Variants in C1S observed in about 807,000 individuals in gnomAD.
C1S encodes complement C1s subcomponent.
C1S carries 31 observed loss-of-function variants against 54.0 expected under a neutral mutation model. The observed-to-expected ratio is 0.57, with a 90% CI of 0.43 to 0.78. The LOEUF is 0.78. C1S is among the 30% of genes least tolerant of loss of function. The pLI, the probability that C1S is intolerant of heterozygous loss-of-function variation, is 0.00. For missense variants in C1S, 727 were observed against 851.8 expected (o/e 0.85, Z 1.82); for synonymous variants, 292 against 303.6 (o/e 0.96, Z 0.40).
chr12:7,066,765 T>G (rs1937677628), intron 8 of C1S, 132 bp downstream of exon 8: 1 of 728,228 alleles, frequency 1.4e-6, no homozygotes, highest in African/African-American at 1.7e-5. Flanking sequence ...CACAACAGCT[T>G]AAGATCTGTA....
rs782383174 is a variant in C1S at position 7,062,699 on chromosome 12, A to G, written c.213+17A>G. On this transcript the variant is annotated intron_variant, in intron 3 of 11. Transcript: ENST00000360817. Reference sequence around the variant, plus strand: ...TCAGTGCAGGTATGTTATAAGCACAAAAAGAATAGAGATGGAAGACTAGGG... The same window carrying G: ...TCAGTGCAGGTATGTTATAAGCACAGAAAGAATAGAGATGGAAGACTAGGG... 28 of 1,607,690 alleles carry G rather than the reference A, an allele frequency of 1.7e-5. No individual in the cohort carries two copies. Among genetic ancestry groups the G allele is most frequent in the Non-Finnish European group, 2.2e-5 (26 of 1,175,724 alleles).
chr12:7,070,714 T>C lies in C1S; in HGVS notation c.*63T>C. ...CCAATGCATTACCTTCTGTTCCTTA[T>C]GATATTCTCATTATTTCATCATGAC... On this transcript the variant is annotated 3_prime_UTR_variant, in exon 12 of 12. Transcript: ENST00000360817. The surrounding 1 kb of genome is among the most constrained non-coding windows in gnomAD (Gnocchi z 4.9). 1.6e-6 allele frequency: 2 copies of C among 1,278,396 alleles called. No homozygotes were observed. The highest frequency in any genetic ancestry group is 2.3e-6 in the Non-Finnish European group (2 of 877,174). 79.2% of individuals were successfully genotyped at this position (1,278,396 alleles called of 1,614,324 possible).
rs1937809443 is a variant in C1S at position 7,070,212 on chromosome 12, C to T, written c.1628C>T (p.Pro543Leu). 1.2e-6 allele frequency: 2 copies of T among 1,614,078 alleles called. No homozygotes were observed. The highest frequency in any genetic ancestry group is 1.7e-6 in the Non-Finnish European group (2 of 1,179,960). ...CTGAAAGACCCAGTGAAAATGGGAC[C>T]CACCGTCTCTCCCATCTGCCTACCA... The part of the protein sequence containing the change: ...VRLKDPVKMG[P>L]TVSPICLPGT... Residue 543 changes from proline (P) to leucine (L), a missense_variant, in exon 12 of 12, where the codon CCC becomes CTC. Around this residue, in one of 3 missense-constraint regions of C1S, gnomAD observed 360 missense variants for 453.6 expected, o/e 0.79. Coordinates refer to ENST00000360817, the MANE Select transcript of C1S (RefSeq NM_001734.5). The surrounding 1 kb of genome is among the most constrained non-coding windows in gnomAD (Gnocchi z 4.9).
intron 11 of C1S, among the ~76,000 whole-genome samples, chr12:7,069,522 G>A (rs151082287): frequency 5.5e-4 from 84 of 152,328 alleles, no homozygotes; most frequent in African/African-American, 1.9e-3. Flanking sequence ...CATGTGCCGA[G>A]TTGGGAGGTG....
rs374863140 is a variant in C1S at position 7,064,035 on chromosome 12, T to TAC, written c.392-221_392-220dup. 1.2e-3 allele frequency: 670 copies of TAC among 571,248 alleles called. 5 individuals carry two copies. The highest frequency in any genetic ancestry group is 0.011 in the African/African-American group (581 of 52,458). 35.4% of individuals were successfully genotyped at this position (571,248 alleles called of 1,614,324 possible). On this transcript the variant is annotated intron_variant, in intron 4 of 11. Coordinates refer to ENST00000360817, the MANE Select transcript of C1S (RefSeq NM_001734.5). ...GGTGACAGAGTGAGGCTATGTCACTTACACACACACACCCCCGAGCTTCCT... is the reference window on the plus strand; with the variant it reads ...GGTGACAGAGTGAGGCTATGTCACTTACACACACACACACCCCCGAGCTTCCT...
intron 4 of C1S, chr12:7,063,562 AT>A: frequency 3.1e-6 from 1 of 324,528 alleles, no homozygotes; most frequent in East Asian, 7.5e-5. Context: ...AGGACATCTC[AT>A]AAAGCCAAAC....
At chr12:7,066,193 A>G (rs956092118) in intron 7 of C1S, 1 of 613,282 alleles carries the variant, frequency 1.6e-6, no homozygotes. Flanking sequence ...AAACAAAGCA[A>G]CAATAATTTA....
Position 7,065,905 on chromosome 12 carries a change from A to G in C1S, c.806A>G (p.Asp269Gly), listed in dbSNP as rs1392976313. 1.9e-6 allele frequency: 3 copies of G among 1,611,170 alleles called. No homozygotes were observed. Among genetic ancestry groups the G allele is most frequent in the South Asian group, 1.1e-5 (1 of 91,024 alleles). Residue 269 changes from aspartate (D) to glycine (G), a missense_variant, in exon 7 of 12, where the codon GAT (aspartate) becomes GGT (glycine). Physicochemically the swap from Asp to Gly is moderately conservative, Grantham distance 94 (BLOSUM62 -1). Around this residue, in one of 3 missense-constraint regions of C1S, gnomAD observed 357 missense variants for 365.4 expected, o/e 0.98. Transcript: ENST00000360817. ...ATTGAAACCAAGAGTAATGCTCTTG[A>G]TATCATCTTCCAAACTGATCTAACA... ...LNIETKSNAL[D>G]IIFQTDLTGQ...
At position 7,063,015 on chromosome 12, in the gene C1S, C is replaced by CT. The variant is rs1555161504; in HGVS notation, c.343dup (p.Ser115PhefsTer3). On this transcript the variant is annotated frameshift_variant, in exon 4 of 12. Coordinates refer to ENST00000360817, the MANE Select transcript of C1S (RefSeq NM_001734.5). LOFTEE classifies it high-confidence loss of function. Reference sequence around the variant, plus strand: ...AACTCCAGGTGATCTTTAAGTCAGACTTTTCCAATGAAGAGCGTTTTACGG... The same window carrying CT: ...AACTCCAGGTGATCTTTAAGTCAGACTTTTTCCAATGAAGAGCGTTTTACGG... 1 of 1,614,026 alleles carries CT rather than the reference C, an allele frequency of 6.2e-7. No homozygotes were observed. The highest frequency in any genetic ancestry group is 2.2e-5 in the East Asian group (1 of 44,898).
At chr12:7,068,371 G>T in intron 10 of C1S, 85 bp from the exon 11 acceptor site, 1 of 940,596 alleles carries the variant, frequency 1.1e-6, no homozygotes. Context: ...CTGAAGGAAC[G>T]GGGCAGGGTG....
In C1S at chr12:7,070,945, G is replaced by C; in HGVS notation, c.*294G>C. The stretch of plus-strand genomic sequence containing the variant: ...TTCCACAGGGATACCTTAATTCTTT[G>C]TTTCCTCTTTACCTGTTCAAAATTC... On this transcript the variant is annotated 3_prime_UTR_variant, in exon 12 of 12. Transcript: ENST00000360817. This position sits in a 1 kb window ranked among gnomAD's most constrained non-coding sequence, Gnocchi z 4.9. The C allele has an allele frequency of 2.4e-6, 1 of 409,740 alleles. No individual in the cohort carries two copies. The highest frequency in any genetic ancestry group is 4.5e-6 in the Non-Finnish European group (1 of 221,538). The allele number at this position is 409,740 out of a possible 1,614,324, so 25.4% of individuals were successfully genotyped here. A position where few individuals can be genotyped will look rare whatever the true frequency, so the allele number is the denominator to read the frequency against.
rs781866605 is a variant in C1S, at chr12:7,064,256, A to G, written c.392-11A>G. The G allele has an allele frequency of 2.3e-5, 37 of 1,613,440 alleles. No homozygotes were observed. The South Asian group carries it at 4.0e-4, about 17-fold the overall frequency. On this transcript the variant is annotated splice_polypyrimidine_tract_variant and intron_variant, in intron 4 of 11. Transcript: ENST00000360817. Reference sequence around the variant, plus strand: ...TTGTTCTTGACCTCAGCCTCTTTCTACTCTTTGTAGACATAAATGAATGCA... The same window carrying G: ...TTGTTCTTGACCTCAGCCTCTTTCTGCTCTTTGTAGACATAAATGAATGCA...
At chr12:7,065,063 C>G (rs782050635) in intron 5 of C1S, 37 bp from the exon 6 acceptor site, 2 of 1,525,690 alleles carry the variant, frequency 1.3e-6, no homozygotes, top group South Asian at 1.1e-5. Context: ...TTGCTTGACC[C>G]TGTATTTGAT....
intron 5 of C1S, 21 bp downstream of exon 5, chr12:7,064,413 G>A (rs782482583): frequency 5.0e-6 from 8 of 1,613,980 alleles, no homozygotes; most frequent in Non-Finnish European, 6.8e-6. Flanking sequence ...TGTTAAGAGG[G>A]TTGCATGTTC....
chr12:7,061,394 G>A, intron 1 of C1S: 1 of 215,076 alleles, frequency 4.6e-6, no homozygotes, highest in Admixed American at 5.2e-5. Context: ...AGACAGGGCT[G>A]CTTGAGGAGA....
rs117276717 is a variant in C1S at position 7,062,841 on chromosome 12, C to T, written c.214-49C>T. ...CTCTGTCCCTTCTTTTAACTCCATACCAAAATATTACCCTTTCCTAGATTT... is the reference window on the plus strand; with the variant it reads ...CTCTGTCCCTTCTTTTAACTCCATATCAAAATATTACCCTTTCCTAGATTT... On this transcript the variant is annotated intron_variant, in intron 3 of 11. Transcript: ENST00000360817. 9,143 of 1,598,064 alleles carry T rather than the reference C, an allele frequency of 5.7e-3. 42 individuals carry two copies. The highest frequency in any genetic ancestry group is 6.9e-3 in the Middle Eastern group (36 of 5,248).
Position 7,070,224 on chromosome 12 carries a change from C to T in C1S, c.1640C>T (p.Pro547Leu). The T allele has an allele frequency of 6.2e-7, 1 of 1,614,132 alleles. No individual in the cohort carries two copies. The highest frequency in any genetic ancestry group is 8.5e-7 in the Non-Finnish European group (1 of 1,179,974). ...DPVKMGPTVS[P>L]ICLPGTSSDY... Reference sequence around the variant, plus strand: ...GTGAAAATGGGACCCACCGTCTCTCCCATCTGCCTACCAGGCACCTCTTCC... The same window carrying T: ...GTGAAAATGGGACCCACCGTCTCTCTCATCTGCCTACCAGGCACCTCTTCC... Residue 547 changes from proline (P) to leucine (L), a missense_variant, in exon 12 of 12, where the codon CCC becomes CTC. By Grantham distance (98) the Pro-to-Leu change is moderately conservative. Coordinates refer to ENST00000360817, the MANE Select transcript of C1S (RefSeq NM_001734.5). The surrounding 1 kb of genome is among the most constrained non-coding windows in gnomAD (Gnocchi z 4.9).
intron 5 of C1S, 98 bp from the exon 6 acceptor site, chr12:7,065,002 A>G (rs1350755303): frequency 2.9e-6 from 3 of 1,043,946 alleles, no homozygotes; most frequent in Admixed American, 3.9e-5. Context: ...GTTTGAATGC[A>G]GGACTGTCAG....
chr12:7,062,268 CT>C, intron 2 of C1S: 1 of 449,412 alleles, frequency 2.2e-6, no homozygotes. Flanking sequence ...GAGAACCTGT[CT>C]CAAAAAAAAA....
Sources: gnomAD v4.1 joint callset for allele counts (sites outside exome capture counted in the v4.1 genomes callset) on GRCh38, gnomAD v4.1.1 for gene constraint, gnomAD v4.1.1 regional missense constraint, Gnocchi (gnomAD v3.1) non-coding constraint, MANE v1.5 for transcripts, NCBI Gene and HGNC (gene_info 2026-07-23, HGNC 2026-07-21) for gene names.